The following KCNMA1 variants were observed in gnomAD, a reference collection of about 807,000 sequenced individuals.
KCNMA1 encodes the protein potassium calcium-activated channel subfamily M alpha 1.
A neutral mutation model predicts 140.0 loss-of-function variants in KCNMA1; 29 were observed. That is an observed-to-expected ratio of 0.21 (90% CI 0.15 to 0.28). The LOEUF (loss-of-function observed/expected upper bound fraction) is 0.28. Among genes scored for constraint, KCNMA1 ranks in the 10% least tolerant of loss-of-function variants. The pLI is 1.00. For synonymous variants in KCNMA1, 612 were observed against 611.9 expected (o/e 1.00, Z 0.00); for missense variants, 880 against 1,602.2 (o/e 0.55, Z 7.70).
At chr10:77,302,494 T>A (rs1371956200) in intron 2 of KCNMA1, among the ~76,000 whole-genome samples, 2 of 152,134 alleles carry the variant, frequency 1.3e-5, no homozygotes, top group Non-Finnish European at 2.9e-5. Flanking sequence ...CCGGTGCAGA[T>A]CTCACAGCTA....
chr10:77,336,175 G>A (rs1479407835), intron 2 of KCNMA1, among the ~76,000 whole-genome samples: 1 of 152,184 alleles, frequency 6.6e-6, no homozygotes, highest in Non-Finnish European at 1.5e-5. Flanking sequence ...AAGGACACAT[G>A]CAGGGGAGGG....
chr10:76,949,873 T>C lies in KCNMA1; in HGVS notation c.2485-507A>G, dbSNP rs547223537. On this transcript the variant is annotated intron_variant, in intron 21 of 27. Transcript: ENST00000286628. ...TCTAGACTTATCAGTGAGATGTCCG[T>C]GCATCAGCAGGTGGAACATGCTACC... 2.0e-5 allele frequency among the ~76,000 whole-genome samples: 3 copies of C among 152,256 alleles called. No individual in the cohort carries two copies. In the South Asian group the frequency reaches 6.2e-4, roughly 32 times the overall value.
chr10:77,475,193 C>A (rs544862560), intron 1 of KCNMA1, among the ~76,000 whole-genome samples: 28 of 152,314 alleles, frequency 1.8e-4, no homozygotes, highest in African/African-American at 6.0e-4. Context: ...CTACACTATG[C>A]CAAGCATGCT....
At chr10:77,538,830 G>A (rs1490081858) in intron 1 of KCNMA1, among the ~76,000 whole-genome samples, 1 of 152,218 alleles carries the variant, frequency 6.6e-6, no homozygotes, top group African/African-American at 2.4e-5. Flanking sequence ...ATTGCTCCCT[G>A]CCTGTGAAGG....
intron 1 of KCNMA1, among the ~76,000 whole-genome samples, chr10:77,598,313 G>A (rs1453129370): frequency 6.6e-6 from 1 of 152,222 alleles, no homozygotes; most frequent in African/African-American, 2.4e-5. Flanking sequence ...AGCTCCAAGA[G>A]GGCAAGGGTT....
rs112845809 is a variant in KCNMA1 at position 77,199,811 on chromosome 10, T to C, written c.603-14895A>G. Among the ~76,000 whole-genome samples the C allele has an allele frequency of 1.0e-3, 159 of 152,240 alleles. 1 individual carries two copies. The highest frequency in any genetic ancestry group is 3.6e-3 in the African/African-American group (149 of 41,542). On this transcript the variant is annotated intron_variant, in intron 3 of 27. Transcript: ENST00000286628. Reference sequence around the variant, plus strand: ...TCTGGGAGTGGAAGGACACCTCGTATAGAGCCTAAGTAGATTGTAAGGTTG... The same window carrying C: ...TCTGGGAGTGGAAGGACACCTCGTACAGAGCCTAAGTAGATTGTAAGGTTG...
intron 1 of KCNMA1, among the ~76,000 whole-genome samples, chr10:77,420,880 T>C (rs961682045): frequency 2.0e-5 from 3 of 152,222 alleles, no homozygotes; most frequent in African/African-American, 7.2e-5. Context: ...ATCATTTACA[T>C]TGTATCATGC....
intron 5 of KCNMA1, among the ~76,000 whole-genome samples, chr10:77,131,971 A>G (rs1190481213): frequency 6.6e-6 from 1 of 151,234 alleles, no homozygotes; most frequent in Non-Finnish European, 1.5e-5. Flanking sequence ...TCTCAAAAAA[A>G]AAAAAAAAAA....
At chr10:77,028,585 G>A (rs1431698303) in intron 15 of KCNMA1, among the ~76,000 whole-genome samples, 1 of 152,046 alleles carries the variant, frequency 6.6e-6, no homozygotes, top group African/African-American at 2.4e-5. Context: ...CAAGCAGTGG[G>A]TCTTCTCCAG....
intron 25 of KCNMA1, among the ~76,000 whole-genome samples, chr10:76,907,514 C>G (rs865842542): frequency 6.6e-6 from 1 of 152,106 alleles, no homozygotes; most frequent in African/African-American, 2.4e-5. Flanking sequence ...GGGCTGTACT[C>G]AGACACATCT....
chr10:77,018,036 A>T (rs2092375198), intron 17 of KCNMA1, among the ~76,000 whole-genome samples: 1 of 152,184 alleles, frequency 6.6e-6, no homozygotes, highest in South Asian at 2.1e-4. Flanking sequence ...GGGCTCCACC[A>T]CTTACTTATG....
intron 2 of KCNMA1, among the ~76,000 whole-genome samples, chr10:77,394,244 A>G (rs1441419662): frequency 1.3e-5 from 2 of 152,204 alleles, no homozygotes; most frequent in Non-Finnish European, 2.9e-5. Flanking sequence ...TCTGGAGCCA[A>G]CTGAGGGTTG....
intron 2 of KCNMA1, among the ~76,000 whole-genome samples, chr10:77,336,657 T>TA (rs1364096292): frequency 1.3e-5 from 2 of 152,218 alleles, no homozygotes; most frequent in Non-Finnish European, 2.9e-5. Flanking sequence ...ATGGCTGTCA[T>TA]TTTTAAGCTC....
Position 76,886,918 on chromosome 10 carries a change from T to G in KCNMA1, c.*348A>C. On this transcript the variant is annotated 3_prime_UTR_variant, in exon 28 of 28. Transcript: ENST00000286628. ...ATCAGAATCAACTTTTCTTTTACAT[T>G]AAATAAACTTGCTCTGCCTAACTGA... The G allele has an allele frequency of 8.8e-7, 1 of 1,139,042 alleles. No homozygotes were observed. Among genetic ancestry groups the G allele is most frequent in the Non-Finnish European group, 1.1e-6 (1 of 919,904 alleles). 70.6% of individuals were successfully genotyped at this position (1,139,042 alleles called of 1,614,324 possible).
intron 3 of KCNMA1, among the ~76,000 whole-genome samples, chr10:77,199,790 G>A (rs1659101717): frequency 6.6e-6 from 1 of 152,118 alleles, no homozygotes; most frequent in African/African-American, 2.4e-5. Context: ...GTGCATTCTG[G>A]GAGTGGAAGG....
intron 1 of KCNMA1, among the ~76,000 whole-genome samples, chr10:77,521,778 C>T (rs1567307450): frequency 6.6e-6 from 1 of 152,182 alleles, no homozygotes; most frequent in Non-Finnish European, 1.5e-5. Context: ...CCCAGTTTCT[C>T]ACCCCATCTC....
At chr10:77,476,783 G>C (rs925948084) in intron 1 of KCNMA1, among the ~76,000 whole-genome samples, 7 of 152,194 alleles carry the variant, frequency 4.6e-5, no homozygotes, top group African/African-American at 1.7e-4. Context: ...ATGCAAAAGA[G>C]GTCGGGGCAC....
chr10:77,636,183 C>G, intron 1 of KCNMA1: 2 of 1,421,802 alleles, frequency 1.4e-6, no homozygotes, highest in Non-Finnish European at 1.8e-6. Context: ...AGAAAGAAGG[C>G]AGCTGGCTCA....
intron 2 of KCNMA1, among the ~76,000 whole-genome samples, chr10:77,386,247 T>C (rs2030818702): frequency 6.6e-6 from 1 of 152,228 alleles, no homozygotes; most frequent in Admixed American, 6.5e-5. Context: ...AATCTAATCC[T>C]GACAAAGAAT....
Sources: allele counts gnomAD v4.1 joint callset (sites outside exome capture counted in the v4.1 genomes callset), GRCh38; gene constraint gnomAD v4.1.1; transcripts MANE v1.5; gene names NCBI Gene and HGNC (gene_info 2026-07-23, HGNC 2026-07-21).